INPP5F: variants seen among roughly 807,000 people sequenced by gnomAD.
The protein encoded by INPP5F is inositol polyphosphate-5-phosphatase F.
A neutral mutation model predicts 137.2 loss-of-function variants in INPP5F; 97 were observed. That is an observed-to-expected ratio of 0.71 (90% CI 0.60 to 0.84). The LOEUF is 0.84. INPP5F is among the 40% of genes least tolerant of loss of function. The probability of loss-of-function intolerance (pLI) is 0.00; values close to 1 mark genes in which losing one functional copy is unlikely to be tolerated. For missense variants in INPP5F, 1,271 were observed against 1,371.9 expected, an observed-to-expected ratio of 0.93 and a Z score of 1.16; for synonymous variants, 504 against 476.9, an observed-to-expected ratio of 1.06 and a Z score of -0.74.
At chr10:119,804,096 TA>T in intron 9 of INPP5F, 76 bp from the exon 10 acceptor site, 2 of 1,033,622 alleles carry the variant, frequency 1.9e-6, no homozygotes, top group Non-Finnish European at 1.4e-6. Flanking sequence ...ACTGTGATTC[TA>T]ACATCTAATT....
chr10:119,749,988 C>T (rs539802009), intron 1 of INPP5F, among the ~76,000 whole-genome samples: 34 of 152,120 alleles, frequency 2.2e-4, no homozygotes, highest in African/African-American at 3.4e-4. Flanking sequence ...CAGCTGGTCT[C>T]GAACTCCTGA....
Position 119,827,695 on chromosome 10 carries a change from C to A in INPP5F, c.3314C>A (p.Pro1105Gln). The A allele has an allele frequency of 6.2e-7, 1 of 1,613,878 alleles. No individual in the cohort carries two copies. Among genetic ancestry groups the A allele is most frequent in the Non-Finnish European group, 8.5e-7 (1 of 1,179,770 alleles). ...FAVSKVQKSP[P>Q]EPEIINQVQQ... Reference sequence around the variant, plus strand: ...GTGTCAAAAGTTCAGAAGAGTCCTCCAGAACCTGAAATCATTAATCAAGTC... The same window carrying A: ...GTGTCAAAAGTTCAGAAGAGTCCTCAAGAACCTGAAATCATTAATCAAGTC... Residue 1105 changes from proline to glutamine, a missense_variant, in exon 20 of 20, where the codon CCA (proline) becomes CAA (glutamine). By Grantham distance (76) the Pro-to-Gln change is moderately conservative. Around this residue, in one of 6 missense-constraint regions of INPP5F, gnomAD observed 490 missense variants for 443.7 expected, o/e 1.10. Transcript: ENST00000650623.
chr10:119,809,997 A>T (rs889040614), intron 13 of INPP5F, 103 bp from the exon 14 acceptor site: 5 of 708,690 alleles, frequency 7.1e-6, no homozygotes, highest in Non-Finnish European at 1.3e-5. Context: ...CTTGGAAATT[A>T]TAAAAGCCTG....
Position 119,826,679 on chromosome 10 carries a change from C to T in INPP5F, c.2298C>T (p.Asn766=). The T allele has an allele frequency of 1.2e-6, 2 of 1,608,704 alleles. No homozygotes were observed. Among genetic ancestry groups the T allele is most frequent in the Non-Finnish European group, 1.7e-6 (2 of 1,178,732 alleles). ...HEDIIGIRSQ[N]QGSLAQGKNF... is the part of the protein sequence containing the mutation. ...ACATCATTGGTATCAGGTCTCAAAA[C>T]CAAGGTTCTTTGGCCCAGGGAAAGA... Residue 766 remains asparagine (N), a synonymous_variant, in exon 20 of 20, where the codon AAC becomes AAT. Coordinates refer to ENST00000650623, the MANE Select transcript of INPP5F (RefSeq NM_014937.4).
intron 15 of INPP5F, chr10:119,815,380 ATCT>A (rs984790300): frequency 7.4e-6 from 1 of 134,438 alleles, no homozygotes; most frequent in African/African-American, 2.6e-5. Flanking sequence ...TGCCATCCTT[ATCT>A]TCTTCCTTGT....
chr10:119,773,662 C>T (rs1849432347), intron 2 of INPP5F, among the ~76,000 whole-genome samples: 1 of 151,952 alleles, frequency 6.6e-6, no homozygotes, highest in Non-Finnish European at 1.5e-5. Flanking sequence ...TTTCCTTTAC[C>T]TAGTATCAAG....
At chr10:119,804,081 A>C in intron 9 of INPP5F, 92 bp from the exon 10 acceptor site, 1 of 881,690 alleles carries the variant, frequency 1.1e-6, no homozygotes, top group Non-Finnish European at 1.7e-6. Flanking sequence ...ATTATTAAAA[A>C]CCACACTGTG....
chr10:119,747,433 C>A (rs961457937), intron 1 of INPP5F, among the ~76,000 whole-genome samples: 5 of 152,104 alleles, frequency 3.3e-5, no homozygotes, highest in Non-Finnish European at 7.4e-5. Flanking sequence ...CCATGTTGGC[C>A]AGGCTGAACT....
intron 2 of INPP5F, among the ~76,000 whole-genome samples, chr10:119,776,488 A>G (rs1318025489): frequency 6.6e-6 from 1 of 152,150 alleles, no homozygotes; most frequent in Non-Finnish European, 1.5e-5. Context: ...AAAGTTAAAA[A>G]TTTTATATTT....
intron 1 of INPP5F, among the ~76,000 whole-genome samples, chr10:119,742,389 C>T (rs1001417149): frequency 6.6e-6 from 1 of 152,176 alleles, no homozygotes; most frequent in South Asian, 2.1e-4. Context: ...AACTCCTGAC[C>T]TCGTGATCCA....
At chr10:119,788,590 G>T (rs1212546097) in intron 3 of INPP5F, among the ~76,000 whole-genome samples, 2 of 152,176 alleles carry the variant, frequency 1.3e-5, no homozygotes, top group Admixed American at 1.3e-4. Flanking sequence ...TCAGACTATA[G>T]TCCTTACAGT....
At chr10:119,818,513 G>A (rs1043372163) in intron 15 of INPP5F, among the ~76,000 whole-genome samples, 4 of 152,244 alleles carry the variant, frequency 2.6e-5, no homozygotes, top group African/African-American at 9.6e-5. Flanking sequence ...TGACGAAGGC[G>A]AAGGCGCCAG....
At chr10:119,764,255 C>A (rs893263338) in intron 2 of INPP5F, among the ~76,000 whole-genome samples, 2 of 152,172 alleles carry the variant, frequency 1.3e-5, no homozygotes, top group African/African-American at 2.4e-5. Context: ...TATAGCAGCA[C>A]CCCTGCTGCT....
intron 2 of INPP5F, among the ~76,000 whole-genome samples, chr10:119,761,370 A>G (rs1206549615): frequency 2.6e-5 from 4 of 152,226 alleles, no homozygotes; most frequent in African/African-American, 9.6e-5. Context: ...GAACAAATTA[A>G]TAGTTGGCTC....
intron 2 of INPP5F, among the ~76,000 whole-genome samples, chr10:119,774,218 C>A (rs1340843371): frequency 2.1e-5 from 3 of 146,078 alleles, no homozygotes; most frequent in Non-Finnish European, 4.5e-5. Flanking sequence ...GCTGAGATCA[C>A]GCCACTGTAC....
At chr10:119,745,102 G>A (rs1022246022) in intron 1 of INPP5F, among the ~76,000 whole-genome samples, 13 of 151,756 alleles carry the variant, frequency 8.6e-5, no homozygotes, top group African/African-American at 3.1e-4. Context: ...GGTTCTCATC[G>A]GCCCTTCCTT....
At position 119,752,831 on chromosome 10, in the gene INPP5F, A is replaced by T. The variant is rs1589678482; in HGVS notation, c.178+1675A>T. 2.6e-5 allele frequency among the ~76,000 whole-genome samples: 4 copies of T among 151,972 alleles called. No individual in the cohort carries two copies. In the East Asian group the frequency reaches 7.7e-4, roughly 29 times the overall value. On this transcript the variant is annotated intron_variant, in intron 2 of 19. Transcript: ENST00000650623. The stretch of plus-strand genomic sequence containing the variant: ...TTTGTTCTTTCACTTATTTTTATTT[A>T]TATTTTTGAGATTTATCCATGCATG...
chr10:119,757,421 T>C (rs1564811162), intron 2 of INPP5F, among the ~76,000 whole-genome samples: 2 of 151,676 alleles, frequency 1.3e-5, no homozygotes, highest in Non-Finnish European at 2.9e-5. Context: ...ATGCATCAAA[T>C]AGGTGAAAGA....
intron 9 of INPP5F, among the ~76,000 whole-genome samples, chr10:119,803,377 A>G (rs1266429968): frequency 6.6e-6 from 1 of 152,190 alleles, no homozygotes; most frequent in Non-Finnish European, 1.5e-5. Context: ...ACATCCCAGT[A>G]TCATTTATAG....
Sources: gnomAD v4.1 joint callset for allele counts (sites outside exome capture counted in the v4.1 genomes callset) on GRCh38, gnomAD v4.1.1 for gene constraint, gnomAD v4.1.1 regional missense constraint, MANE v1.5 for transcripts, NCBI Gene and HGNC (gene_info 2026-07-23, HGNC 2026-07-21) for gene names.